The following NCBP3 variants were observed in gnomAD, a reference collection of about 807,000 sequenced individuals.
NCBP3 encodes the protein nuclear cap binding subunit 3, also known as nuclear cap-binding protein subunit 3.
In NCBP3, 20 loss-of-function variants were observed where a neutral mutation model predicts 75.7. The observed-to-expected ratio is 0.26, with a 90% CI of 0.19 to 0.38. The LOEUF (loss-of-function observed/expected upper bound fraction) is 0.38, where lower values mean the gene tolerates loss of function less well. NCBP3 is among the 10% of genes least tolerant of loss of function. NCBP3 has a pLI of 1.00. For missense variants in NCBP3, 678 were observed against 796.9 expected (o/e 0.85, Z 1.80); for synonymous variants, 293 against 290.5 (o/e 1.01, Z -0.09).
Position 3,807,168 on chromosome 17 carries a change from T to C in NCBP3, c.*5876A>G, listed in dbSNP as rs1267434088. 3 of 152,262 alleles carry C rather than the reference T, an allele frequency of 2.0e-5. No homozygotes were observed. The highest frequency in any genetic ancestry group is 7.2e-5 in the African/African-American group (3 of 41,466). 9.4% of individuals were successfully genotyped at this position (152,262 alleles called of 1,614,324 possible). On this transcript the variant is annotated 3_prime_UTR_variant, in exon 13 of 13. Coordinates refer to ENST00000389005, the MANE Select transcript of NCBP3 (RefSeq NM_001114118.3). ...TTCACCTGCTCTGGACTGCTCTCACTTTCCTCACCGACAGGACCACAGGCT... is the reference window on the plus strand; with the variant it reads ...TTCACCTGCTCTGGACTGCTCTCACCTTCCTCACCGACAGGACCACAGGCT...
chr17:3,809,836 T>A lies in NCBP3; in HGVS notation c.*3208A>T, dbSNP rs570776173. On this transcript the variant is annotated 3_prime_UTR_variant, in exon 13 of 13. Transcript: ENST00000389005. ...AAAATGGACTATTATTTGGCAATTT[T>A]AAAAAATGAAATACTGATAGAAGCT... The A allele has an allele frequency of 9.8e-4, 150 of 152,296 alleles. No homozygotes were observed. The highest frequency in any genetic ancestry group is 3.5e-3 in the African/African-American group (145 of 41,550). 9.4% of individuals were successfully genotyped at this position (152,296 alleles called of 1,614,324 possible). A position where few individuals can be genotyped will look rare whatever the true frequency, so the allele number is the denominator to read the frequency against.
rs1341850222 is a variant in NCBP3 at position 3,831,844 on chromosome 17, T to G, written c.356-2476A>C. 1.6e-5 allele frequency among the ~76,000 whole-genome samples: 2 copies of G among 121,396 alleles called. 1 individual carries two copies. Among genetic ancestry groups the G allele is most frequent in the African/African-American group, 5.0e-5 (2 of 39,902 alleles). The allele number at this position is 121,396 out of a possible 152,430, so 79.6% of individuals were successfully genotyped here. A position where few individuals can be genotyped will look rare whatever the true frequency, so the allele number is the denominator to read the frequency against. On this transcript the variant is annotated intron_variant, in intron 3 of 12. Transcript: ENST00000389005. ...AGTCAATAATAATTTAATTGTAAAT[T>G]TTAAAATAACATAAAGAGTGTAATT...
At position 3,813,205 on chromosome 17, in the gene NCBP3, G is replaced by A. The variant is rs536303650; in HGVS notation, c.1702C>T (p.Pro568Ser). 1.1e-5 allele frequency: 18 copies of A among 1,614,244 alleles called. No individual in the cohort carries two copies. The South Asian group carries it at 1.9e-4, about 17-fold the overall frequency. The change falls in exon 13 of 13, where the codon CCT becomes TCT. Residue 568 changes from proline (P) to serine (S), a missense_variant. Pro to Ser is a moderately conservative substitution (Grantham distance 74, BLOSUM62 -1). Transcript: ENST00000389005. Reference sequence around the variant, plus strand: ...TCAGAGTCGTCTTCCTCAGCGCCAGGCGCCCTGTGATCCACTTTCTTCGTA... The same window carrying A: ...TCAGAGTCGTCTTCCTCAGCGCCAGACGCCCTGTGATCCACTTTCTTCGTA... Reference protein sequence around the residue: ...KNTKKVDHRAPGAEEDDSELQ... With the variant: ...KNTKKVDHRASGAEEDDSELQ...
chr17:3,818,404 C>T lies in NCBP3; in HGVS notation c.1169G>A (p.Arg390Lys). 6.2e-7 allele frequency: 1 copy of T among 1,614,162 alleles called. No homozygotes were observed. The highest frequency in any genetic ancestry group is 8.5e-7 in the Non-Finnish European group (1 of 1,180,038). ...LKQPRERSAS[R>K]RSSASSSDSD... ...GTCTGAGCTGCTGGCACTGGATCGT[C>T]TAGACGCGCTCCGCTCCCGGGGCTG... The change falls in exon 10 of 13, where the codon AGA becomes AAA. Residue 390 changes from arginine to lysine, a missense_variant. Coordinates refer to ENST00000389005, the MANE Select transcript of NCBP3 (RefSeq NM_001114118.3). The surrounding 1 kb of genome is among the most constrained non-coding windows in gnomAD (Gnocchi z 4.7).
At chr17:3,831,940 T>C (rs566318571) in intron 3 of NCBP3, among the ~76,000 whole-genome samples, 3 of 122,204 alleles carry the variant, frequency 2.5e-5, no homozygotes, top group Non-Finnish European at 5.9e-5. Flanking sequence ...TCCCAGCACT[T>C]TGGGAGGCCA....
intron 4 of NCBP3, among the ~76,000 whole-genome samples, chr17:3,826,725 A>AAGGAAGGAAGGAAGGAAG (rs1216313897): frequency 6.6e-6 from 1 of 150,952 alleles, no homozygotes; most frequent in Non-Finnish European, 1.5e-5. Context: ...GGAAGGAAGG[A>AAGGAAGGAAGGAAGGAAG]GAGAGAGAGA....
In NCBP3 at chr17:3,832,485, G is replaced by A. The variant is rs1293083800; in HGVS notation, c.356-3117C>T. Among the ~76,000 whole-genome samples, 17 of 118,172 alleles carry A rather than the reference G, an allele frequency of 1.4e-4. 3 individuals carry two copies. The highest frequency in any genetic ancestry group is 2.0e-4 in the Non-Finnish European group (10 of 49,138). The allele number at this position is 118,172 out of a possible 152,430, so 77.5% of individuals were successfully genotyped here. A position where few individuals can be genotyped will look rare whatever the true frequency, so the allele number is the denominator to read the frequency against. Reference sequence around the variant, plus strand: ...CTCTACTAAAAATACAAAACAATTAGCCAGGTGTGGTGGCAGGCACCTGTA... The same window carrying A: ...CTCTACTAAAAATACAAAACAATTAACCAGGTGTGGTGGCAGGCACCTGTA... On this transcript the variant is annotated intron_variant, in intron 3 of 12. Transcript: ENST00000389005.
intron 8 of NCBP3, 26 bp from the exon 9 acceptor site, chr17:3,821,378 C>A: frequency 6.4e-7 from 1 of 1,551,644 alleles, no homozygotes; most frequent in African/African-American, 1.4e-5. Context: ...AATAAGCACA[C>A]AATCAAAAAC....
At chr17:3,840,340 G>A (rs984108200) in intron 2 of NCBP3, 135 bp from the exon 3 acceptor site, 16 of 683,778 alleles carry the variant, frequency 2.3e-5, no homozygotes, top group Non-Finnish European at 4.0e-5. Context: ...GAATCAGTCT[G>A]GCAGAGACCT....
At position 3,818,132 on chromosome 17, in the gene NCBP3, C is replaced by T. The variant is rs1420277770; in HGVS notation, c.1310+131G>A. The T allele has an allele frequency of 3.5e-5, 26 of 734,702 alleles. No individual in the cohort carries two copies. The highest frequency in any genetic ancestry group is 2.1e-4 in the South Asian group (9 of 42,930). 45.5% of individuals were successfully genotyped at this position (734,702 alleles called of 1,614,324 possible). A position where few individuals can be genotyped will look rare whatever the true frequency, so the allele number is the denominator to read the frequency against. Reference sequence around the variant, plus strand: ...GCTTGTATAGAGGAAATACTGGATGCGTTTATTAAACTCCTACAAGGGACT... The same window carrying T: ...GCTTGTATAGAGGAAATACTGGATGTGTTTATTAAACTCCTACAAGGGACT... On this transcript the variant is annotated intron_variant, in intron 10 of 12. Coordinates refer to ENST00000389005, the MANE Select transcript of NCBP3 (RefSeq NM_001114118.3). The surrounding 1 kb of genome is among the most constrained non-coding windows in gnomAD (Gnocchi z 4.7).
intron 4 of NCBP3, among the ~76,000 whole-genome samples, chr17:3,827,692 AG>A (rs1473536841): frequency 6.6e-6 from 1 of 152,188 alleles, no homozygotes; most frequent in African/African-American, 2.4e-5. Flanking sequence ...TCTGTTTCTC[AG>A]GTTCTGATAA....
In NCBP3 at chr17:3,818,181, T is replaced by C; in HGVS notation, c.1310+82A>G. On this transcript the variant is annotated intron_variant, in intron 10 of 12. Coordinates refer to ENST00000389005, the MANE Select transcript of NCBP3 (RefSeq NM_001114118.3). The surrounding 1 kb of genome is among the most constrained non-coding windows in gnomAD (Gnocchi z 4.7). Reference sequence around the variant, plus strand: ...CTGAAATCAGAATAGATAAAAGATATTATAAAATTAGGAGGAATTAAGAAG... The same window carrying C: ...CTGAAATCAGAATAGATAAAAGATACTATAAAATTAGGAGGAATTAAGAAG... The C allele has an allele frequency of 3.8e-6, 4 of 1,066,350 alleles. No homozygotes were observed. The highest frequency in any genetic ancestry group is 1.7e-5 in the South Asian group (1 of 58,744). 66.1% of individuals were successfully genotyped at this position (1,066,350 alleles called of 1,614,324 possible).
chr17:3,812,732 GAC>G lies in NCBP3; in HGVS notation c.*310_*311del. The stretch of plus-strand genomic sequence containing the variant: ...ACTGTGTAAAACATTTCTTTTAAAA[GAC>G]ACAATGTTAAAAATATTAAGAAAAA... On this transcript the variant is annotated 3_prime_UTR_variant, in exon 13 of 13. Coordinates refer to ENST00000389005, the MANE Select transcript of NCBP3 (RefSeq NM_001114118.3). 8.5e-7 allele frequency: 1 copy of G among 1,178,540 alleles called. No homozygotes were observed. Among genetic ancestry groups the G allele is most frequent in the East Asian group, 5.5e-5 (1 of 18,164 alleles). The allele number at this position is 1,178,540 out of a possible 1,614,324, so 73.0% of individuals were successfully genotyped here. A position where few individuals can be genotyped will look rare whatever the true frequency, so the allele number is the denominator to read the frequency against.
At chr17:3,843,027 C>A in intron 2 of NCBP3, 59 bp downstream of exon 2, 1 of 1,291,922 alleles carries the variant, frequency 7.7e-7, no homozygotes, top group Non-Finnish European at 1.1e-6. Context: ...TCCTAGGGAT[C>A]AAATTCATTA....
Position 3,813,211 on chromosome 17 carries a change from T to A in NCBP3, c.1696A>T (p.Arg566Trp), listed in dbSNP as rs771008375. Reference sequence around the variant, plus strand: ...TCGTCTTCCTCAGCGCCAGGCGCCCTGTGATCCACTTTCTTCGTATTCTTT... The same window carrying A: ...TCGTCTTCCTCAGCGCCAGGCGCCCAGTGATCCACTTTCTTCGTATTCTTT... ...KEKNTKKVDH[R>W]APGAEEDDSE... The change falls in exon 13 of 13, where the codon AGG (arginine) becomes TGG (tryptophan). Residue 566 changes from arginine (R) to tryptophan (W), a missense_variant. Physicochemically the swap from Arg to Trp is moderately radical, Grantham distance 101. This residue lies in a region of NCBP3 where 365 missense variants were observed against 392.7 expected (regional missense o/e 0.93). Coordinates refer to ENST00000389005, the MANE Select transcript of NCBP3 (RefSeq NM_001114118.3). 1 of 1,614,264 alleles carries A rather than the reference T, an allele frequency of 6.2e-7. No homozygotes were observed. The highest frequency in any genetic ancestry group is 2.2e-5 in the East Asian group (1 of 44,890).
intron 3 of NCBP3, among the ~76,000 whole-genome samples, chr17:3,834,440 T>C (rs2053940280): frequency 6.6e-6 from 1 of 152,198 alleles, no homozygotes; most frequent in Non-Finnish European, 1.5e-5. Flanking sequence ...AAAGAGCTAA[T>C]GAAGAAAAGA....
Position 3,814,501 on chromosome 17 carries a change from G to C in NCBP3, c.1466-18C>G, listed in dbSNP as rs770593185. Reference sequence around the variant, plus strand: ...GCGTATATCTGAAAAAAGAGAAAAAGTGCACCAGTGACCGTGTGTGTGCTT... The same window carrying C: ...GCGTATATCTGAAAAAAGAGAAAAACTGCACCAGTGACCGTGTGTGTGCTT... On this transcript the variant is annotated intron_variant, in intron 11 of 12. Coordinates refer to ENST00000389005, the MANE Select transcript of NCBP3 (RefSeq NM_001114118.3). 1.2e-6 allele frequency: 2 copies of C among 1,613,304 alleles called. No individual in the cohort carries two copies. The highest frequency in any genetic ancestry group is 2.2e-5 in the East Asian group (1 of 44,876).
In NCBP3 at chr17:3,816,358, C is replaced by T. The variant is rs551318990; in HGVS notation, c.1311-88G>A. The T allele has an allele frequency of 3.8e-4, 455 of 1,192,514 alleles. 1 individual carries two copies. Among genetic ancestry groups the T allele is most frequent in the Non-Finnish European group, 4.8e-4 (407 of 848,596 alleles). 73.9% of individuals were successfully genotyped at this position (1,192,514 alleles called of 1,614,324 possible). On this transcript the variant is annotated intron_variant, in intron 10 of 12. Coordinates refer to ENST00000389005, the MANE Select transcript of NCBP3 (RefSeq NM_001114118.3). Reference sequence around the variant, plus strand: ...CAACAATCTCATACTTTGGAGGAAACAATTTAAGAAATCCTGTCTTACATG... The same window carrying T: ...CAACAATCTCATACTTTGGAGGAAATAATTTAAGAAATCCTGTCTTACATG...
intron 8 of NCBP3, among the ~76,000 whole-genome samples, 196 bp from the exon 9 acceptor site, chr17:3,821,548 G>A (rs1209083300): frequency 1.3e-5 from 2 of 151,928 alleles, no homozygotes; most frequent in Admixed American, 1.3e-4. Context: ...TCAGCCTCCC[G>A]AGTAGGTGGG....
Sources: gnomAD v4.1 joint callset for allele counts (sites outside exome capture counted in the v4.1 genomes callset) on GRCh38, gnomAD v4.1.1 for gene constraint, gnomAD v4.1.1 regional missense constraint, Gnocchi (gnomAD v3.1) non-coding constraint, MANE v1.5 for transcripts, NCBI Gene and HGNC (gene_info 2026-07-23, HGNC 2026-07-21) for gene names.